TRDN: variants seen among roughly 807,000 people sequenced by gnomAD.
TRDN encodes the protein triadin in skeletal muscle.
TRDN carries 161 observed loss-of-function variants against 149.7 expected under a neutral mutation model. The ratio of observed to expected loss-of-function variants is 1.08; its 90% CI spans 0.95 to 1.23. The LOEUF (loss-of-function observed/expected upper bound fraction) is 1.23, where lower values mean the gene tolerates loss of function less well. Among genes scored for constraint, TRDN ranks in the 50% most tolerant of loss-of-function variants. The pLI is 0.00. For synonymous variants in TRDN, 294 were observed against 250.5 expected (o/e 1.17, Z -1.64); for missense variants, 896 against 823.5 (o/e 1.09, Z -1.08).
At chr6:123,374,749 T>C (rs2114391788) in intron 19 of TRDN, among the ~76,000 whole-genome samples, 1 of 151,704 alleles carries the variant, frequency 6.6e-6, no homozygotes, top group Admixed American at 6.6e-5. Flanking sequence ...CACTCCAGCC[T>C]GGTGACAGAG....
At chr6:123,604,275 C>T (rs1784416652) in intron 1 of TRDN, among the ~76,000 whole-genome samples, 1 of 152,142 alleles carries the variant, frequency 6.6e-6, no homozygotes, top group Non-Finnish European at 1.5e-5. Flanking sequence ...GACAACTAAG[C>T]CAGGGAAAGG....
chr6:123,495,895 C>T (rs1778423620), intron 9 of TRDN, among the ~76,000 whole-genome samples: 2 of 151,672 alleles, frequency 1.3e-5, no homozygotes, highest in South Asian at 4.1e-4. Flanking sequence ...TGCTCAAGAC[C>T]TAATACTAGA....
At chr6:123,513,494 G>C (rs1041893657) in intron 6 of TRDN, among the ~76,000 whole-genome samples, 29 of 151,794 alleles carry the variant, frequency 1.9e-4, no homozygotes, top group Admixed American at 1.9e-3. Context: ...AAAATCACAA[G>C]AAATAGCAGA....
intron 9 of TRDN, among the ~76,000 whole-genome samples, chr6:123,465,212 G>A (rs1583082374): frequency 6.6e-6 from 1 of 152,214 alleles, no homozygotes; most frequent in East Asian, 1.9e-4. Flanking sequence ...ATTTTCCATA[G>A]ATGGATATGC....
chr6:123,435,433 GA>G lies in TRDN; in HGVS notation c.1051+2629del, dbSNP rs1402602916. Among the ~76,000 whole-genome samples the G allele has an allele frequency of 5.9e-5, 9 of 151,800 alleles. No homozygotes were observed. The East Asian group carries it at 1.7e-3, about 29-fold the overall frequency. On this transcript the variant is annotated intron_variant, in intron 12 of 40. Transcript: ENST00000334268. ...TATTGCTGTCACATGAAAATATAAAGAATTATTAAACCCTAAAAAGAAACGA... is the reference window on the plus strand; with the variant it reads ...TATTGCTGTCACATGAAAATATAAAGATTATTAAACCCTAAAAAGAAACGA...
intron 1 of TRDN, among the ~76,000 whole-genome samples, chr6:123,620,369 G>T (rs1785317820): frequency 6.6e-6 from 1 of 152,078 alleles, no homozygotes; most frequent in Non-Finnish European, 1.5e-5. Context: ...GACACTGCTG[G>T]TCTGGGGACT....
At chr6:123,243,245 C>T (rs1776054971) in intron 38 of TRDN, among the ~76,000 whole-genome samples, 1 of 152,104 alleles carries the variant, frequency 6.6e-6, no homozygotes, top group South Asian at 2.1e-4. Flanking sequence ...TGTGTTCTGC[C>T]CTGGGGCTAA....
chr6:123,360,408 T>C (rs1780852540), intron 20 of TRDN, among the ~76,000 whole-genome samples: 1 of 151,818 alleles, frequency 6.6e-6, no homozygotes, highest in African/African-American at 2.4e-5. Flanking sequence ...AAGCCAGAAA[T>C]AAAGGCCAGT....
chr6:123,375,742 G>A, intron 18 of TRDN, 111 bp from the exon 19 acceptor site: 7 of 836,058 alleles, frequency 8.4e-6, no homozygotes, highest in South Asian at 4.8e-5. Flanking sequence ...GTATAATATT[G>A]GAAGCTAAAG....
At position 123,359,586 on chromosome 6, in the gene TRDN, A is replaced by T. The variant is rs565308083; in HGVS notation, c.1321+6549T>A. 4.6e-5 allele frequency among the ~76,000 whole-genome samples: 7 copies of T among 152,358 alleles called. No individual in the cohort carries two copies. The East Asian group carries it at 1.3e-3, about 29-fold the overall frequency. On this transcript the variant is annotated intron_variant, in intron 20 of 40. Transcript: ENST00000334268. Reference sequence around the variant, plus strand: ...TGAAGGCTTGAATTAGTATGGCAGTAATGGCTACAAATAAGAGAAAATATG... The same window carrying T: ...TGAAGGCTTGAATTAGTATGGCAGTTATGGCTACAAATAAGAGAAAATATG...
At chr6:123,504,841 G>A (rs1304533066) in intron 7 of TRDN, among the ~76,000 whole-genome samples, 3 of 152,046 alleles carry the variant, frequency 2.0e-5, no homozygotes, top group Non-Finnish European at 4.4e-5. Flanking sequence ...ATTCCTTTTT[G>A]TATGTGACTA....
intron 1 of TRDN, among the ~76,000 whole-genome samples, chr6:123,635,450 GATA>G (rs1410187358): frequency 1.3e-5 from 2 of 151,722 alleles, no homozygotes; most frequent in Non-Finnish European, 2.9e-5. Flanking sequence ...GCCAAACTGA[GATA>G]ATAATGCCTA....
intron 12 of TRDN, among the ~76,000 whole-genome samples, chr6:123,430,443 A>G (rs9490747): frequency 0.076 from 11,573 of 151,826 alleles, 483 homozygotes; most frequent in East Asian, 0.13. Context: ...TTAGCCAAGC[A>G]TGGTGGCATG....
intron 7 of TRDN, chr6:123,509,376 A>T (rs1171997253): frequency 6.6e-6 from 1 of 152,136 alleles, no homozygotes; most frequent in Non-Finnish European, 1.5e-5. Flanking sequence ...ACTAAAGGTG[A>T]TTGAATATGA....
At chr6:123,599,892 G>A (rs1398692051) in intron 1 of TRDN, among the ~76,000 whole-genome samples, 1 of 151,594 alleles carries the variant, frequency 6.6e-6, no homozygotes, top group Non-Finnish European at 1.5e-5. Context: ...ATGGATATAT[G>A]CCTCCGAGAT....
intron 2 of TRDN, among the ~76,000 whole-genome samples, chr6:123,554,321 T>C (rs1249179559): frequency 1.1e-4 from 16 of 152,142 alleles, no homozygotes; most frequent in Admixed American, 1.0e-3. Context: ...TTTACAACAA[T>C]TATTGAGCAC....
At chr6:123,578,336 C>A (rs373889060) in intron 1 of TRDN, among the ~76,000 whole-genome samples, 1 of 152,138 alleles carries the variant, frequency 6.6e-6, no homozygotes, top group South Asian at 2.1e-4. Flanking sequence ...TGTCCAGTTT[C>A]AATCTTCTGC....
intron 1 of TRDN, among the ~76,000 whole-genome samples, chr6:123,615,970 C>T (rs1419543340): frequency 6.6e-6 from 1 of 152,080 alleles, no homozygotes; most frequent in Non-Finnish European, 1.5e-5. Flanking sequence ...CTGATTTGAT[C>T]ATTATACATT....
intron 22 of TRDN, among the ~76,000 whole-genome samples, chr6:123,334,859 T>C (rs1025643161): frequency 9.9e-5 from 15 of 152,040 alleles, no homozygotes; most frequent in African/African-American, 2.4e-4. Context: ...ATAATGCTGG[T>C]TTTAAACTTG....
Sources: allele counts gnomAD v4.1 joint callset (sites outside exome capture counted in the v4.1 genomes callset), GRCh38; gene constraint gnomAD v4.1.1; transcripts MANE v1.5; gene names NCBI Gene and HGNC (gene_info 2026-07-23, HGNC 2026-07-21).